TRMT11: variants seen among roughly 807,000 people sequenced by gnomAD.
TRMT11 encodes tRNA methyltransferase 11.
A neutral mutation model predicts 62.8 loss-of-function variants in TRMT11; 53 were observed. That is an observed-to-expected ratio of 0.84 (90% CI 0.68 to 1.06). The LOEUF is 1.06. Among genes scored for constraint, TRMT11 ranks in the 50% least tolerant of loss-of-function variants. TRMT11 has a pLI of 0.00. For missense variants in TRMT11, 556 were observed against 553.4 expected (o/e 1.00, Z -0.05); for synonymous variants, 188 against 190.3 (o/e 0.99, Z 0.10).
At position 126,038,795 on chromosome 6, in the gene TRMT11, A is replaced by G. The variant is rs1466821761; in HGVS notation, c.1351A>G (p.Thr451Ala). 7.5e-6 allele frequency: 12 copies of G among 1,604,344 alleles called. No individual in the cohort carries two copies. Among genetic ancestry groups the G allele is most frequent in the Non-Finnish European group, 1.0e-5 (12 of 1,176,330 alleles). ...SFREKYFSGV[T>A]KRIAKEEKST... ...CCGTGAGAAATATTTTAGTGGGGTAACAAAAAGAATTGCCAAGGAAGAAAA... is the reference window on the plus strand; with the variant it reads ...CCGTGAGAAATATTTTAGTGGGGTAGCAAAAAGAATTGCCAAGGAAGAAAA... The change falls in exon 13 of 13, where the codon ACA (threonine) becomes GCA (alanine). Residue 451 changes from threonine to alanine, a missense_variant. Physicochemically the swap from Thr to Ala is moderately conservative, Grantham distance 58 (BLOSUM62 0). Coordinates refer to ENST00000334379, the MANE Select transcript of TRMT11 (RefSeq NM_001031712.3).
In TRMT11 at chr6:126,093,618, TATATATA is replaced by T. The variant is rs1562321402; in HGVS notation, c.*1438-19247_*1438-19241del. Among the ~76,000 whole-genome samples the T allele has an allele frequency of 1.9e-4, 18 of 95,464 alleles. 1 individual carries two copies. The highest frequency in any genetic ancestry group is 1.1e-3 in the African/African-American group (17 of 15,182). The allele number at this position is 95,464 out of a possible 152,430, so 62.6% of individuals were successfully genotyped here. A position where few individuals can be genotyped will look rare whatever the true frequency, so the allele number is the denominator to read the frequency against. ...ATATATATATATATATATATATATA[TATATATA>T]TATATATTTTCCCCCAGTCCTGGAG... On this transcript the variant is annotated intron_variant and NMD_transcript_variant, in intron 17 of 22. Coordinates refer to the TRMT11 transcript ENST00000648977.
chr6:126,107,836 A>G (rs575864957), intron 17 of TRMT11, among the ~76,000 whole-genome samples: 115 of 152,326 alleles, frequency 7.5e-4, no homozygotes, highest in Non-Finnish European at 1.2e-3. Flanking sequence ...CATGCAGGAA[A>G]CAAATGAAGT....
intron 7 of TRMT11, among the ~76,000 whole-genome samples, chr6:126,000,639 G>A (rs1792315925): frequency 6.6e-6 from 1 of 152,072 alleles, no homozygotes; most frequent in African/African-American, 2.4e-5. Flanking sequence ...ATTGGGATCT[G>A]CCAACCAGCT....
rs558730507 is a variant in TRMT11 at position 126,032,600 on chromosome 6, C to T, written c.1261-6105C>T. Among the ~76,000 whole-genome samples, 5 of 152,220 alleles carry T rather than the reference C, an allele frequency of 3.3e-5. No individual in the cohort carries two copies. In the South Asian group the frequency reaches 1.0e-3, roughly 32 times the overall value. On this transcript the variant is annotated intron_variant, in intron 12 of 12. Coordinates refer to ENST00000334379, the MANE Select transcript of TRMT11 (RefSeq NM_001031712.3). ...ACTTCCTGAGAGAAGCCTTTCTTGT[C>T]CTTTCCCTTCACCGCTTCTGGATAG...
chr6:125,987,650 A>T (rs535610530), intron 1 of TRMT11, among the ~76,000 whole-genome samples: 1 of 152,336 alleles, frequency 6.6e-6, no homozygotes, highest in Admixed American at 6.5e-5. Flanking sequence ...ACCTAGGGCA[A>T]GGAGTAAGAG....
intron 12 of TRMT11, among the ~76,000 whole-genome samples, chr6:126,036,056 T>C (rs150705583): frequency 1.2e-3 from 184 of 152,202 alleles, no homozygotes; most frequent in African/African-American, 4.0e-3. Context: ...TTAGCCTCCT[T>C]ACTACTGCAG....
chr6:126,191,114 CT>C (rs1778593907), intron 1 of TRMT11, among the ~76,000 whole-genome samples: 1 of 151,826 alleles, frequency 6.6e-6, no homozygotes, highest in African/African-American at 2.4e-5. Flanking sequence ...TTTTTTTTGC[CT>C]TTTTGATAGT....
At chr6:125,999,382 A>G (rs555121619) in intron 6 of TRMT11, 75 bp from the exon 7 acceptor site, 9 of 1,159,590 alleles carry the variant, frequency 7.8e-6, no homozygotes, top group East Asian at 2.6e-5. Context: ...GCAAAATACA[A>G]TGGTCTTATT....
chr6:126,034,175 G>T (rs999494182), intron 12 of TRMT11, among the ~76,000 whole-genome samples: 10 of 152,056 alleles, frequency 6.6e-5, no homozygotes, highest in African/African-American at 2.2e-4. Context: ...TTTGAAGTCT[G>T]ATTTAGGCTA....
downstream of TRMT11, among the ~76,000 whole-genome samples, chr6:126,040,390 A>G (rs1237597028): frequency 5.9e-5 from 9 of 152,122 alleles, no homozygotes; most frequent in African/African-American, 2.2e-4. Context: ...CTGAAATGTC[A>G]CTAGGCTCAG....
At chr6:126,176,081 C>T (rs976239977), upstream of TRMT11, among the ~76,000 whole-genome samples, 15 of 152,114 alleles carry the variant, frequency 9.9e-5, no homozygotes, top group Admixed American at 6.5e-4. Flanking sequence ...ATCACTGAAA[C>T]GCCAATTTGT....
At chr6:126,166,729 G>A (rs942953053) in intron 21 of TRMT11, among the ~76,000 whole-genome samples, 3 of 152,182 alleles carry the variant, frequency 2.0e-5, no homozygotes, top group East Asian at 1.9e-4. Context: ...CTTCCCCCAG[G>A]TGCTCTGTCC....
At chr6:126,259,467 G>T in the TRMT11 span, among the ~76,000 whole-genome samples, 1 of 152,202 alleles carries the variant, frequency 6.6e-6, no homozygotes, top group Non-Finnish European at 1.5e-5. Context: ...AAAATGCTGG[G>T]ATTATAGGCG....
intron 1 of TRMT11, among the ~76,000 whole-genome samples, chr6:126,194,904 C>G (rs1337754232): frequency 6.6e-6 from 1 of 151,942 alleles, no homozygotes; most frequent in Non-Finnish European, 1.5e-5. Context: ...TACTTGAGCC[C>G]AAGAGTTTGA....
chr6:126,269,857 A>G, the TRMT11 span, among the ~76,000 whole-genome samples: 2 of 152,332 alleles, frequency 1.3e-5, no homozygotes, highest in East Asian at 3.9e-4. Flanking sequence ...ACAAATATGT[A>G]TCTGCTGATT....
chr6:126,128,014 T>G (rs1777738271), intron 21 of TRMT11, among the ~76,000 whole-genome samples: 4 of 152,114 alleles, frequency 2.6e-5, no homozygotes, highest in African/African-American at 9.7e-5. Flanking sequence ...GTACGTGCTT[T>G]AGAAAGCCTA....
chr6:126,015,855 A>G (rs1300162570), intron 11 of TRMT11, among the ~76,000 whole-genome samples: 3 of 152,160 alleles, frequency 2.0e-5, no homozygotes, highest in Admixed American at 6.5e-5. Flanking sequence ...TTGACTCTCA[A>G]CCGGGGCCAT....
chr6:126,105,886 C>A (rs1211317425), intron 17 of TRMT11, among the ~76,000 whole-genome samples: 1 of 152,050 alleles, frequency 6.6e-6, no homozygotes, highest in South Asian at 2.1e-4. Flanking sequence ...GCCCTGGCTC[C>A]CAGTACAGAG....
intron 21 of TRMT11, among the ~76,000 whole-genome samples, chr6:126,160,778 A>G (rs1778181043): frequency 6.6e-6 from 1 of 152,150 alleles, no homozygotes; most frequent in South Asian, 2.1e-4. Flanking sequence ...GAGAGCTATA[A>G]AACGTGTTAA....
Sources: gnomAD v4.1 joint callset for allele counts (sites outside exome capture counted in the v4.1 genomes callset) on GRCh38, gnomAD v4.1.1 for gene constraint, MANE v1.5 for transcripts, NCBI Gene and HGNC (gene_info 2026-07-23, HGNC 2026-07-21) for gene names.